The following WBP1L variants were observed in gnomAD, a reference collection of about 807,000 sequenced individuals.
WBP1L encodes the protein WW domain binding protein 1 like.
In WBP1L, 17 loss-of-function variants were observed where a neutral mutation model predicts 33.7. The ratio of observed to expected loss-of-function variants is 0.50; its 90% confidence interval spans 0.34 to 0.76. WBP1L has a LOEUF of 0.76. WBP1L is among the 30% of genes least tolerant of loss of function. The pLI is 0.01. For missense variants in WBP1L, 389 were observed against 469.4 expected, an observed-to-expected ratio of 0.83 and a Z score of 1.58; for synonymous variants, 173 against 190.8, an observed-to-expected ratio of 0.91 and a Z score of 0.77.
At chr10:102,805,515 AG>A (rs544577700) in intron 2 of WBP1L, among the ~76,000 whole-genome samples, 129 of 151,912 alleles carry the variant, frequency 8.5e-4, no homozygotes, top group Non-Finnish European at 1.4e-3. Flanking sequence ...CTCTCATCTC[AG>A]CCTCCCAAGT....
At chr10:102,772,366 T>G (rs1257430532) in intron 1 of WBP1L, among the ~76,000 whole-genome samples, 1 of 147,854 alleles carries the variant, frequency 6.8e-6, no homozygotes, top group Non-Finnish European at 1.5e-5. Context: ...GTTCAAGTGA[T>G]TCTCCTGCTT....
chr10:102,772,849 C>T (rs1321211691), intron 1 of WBP1L, among the ~76,000 whole-genome samples: 4 of 151,790 alleles, frequency 2.6e-5, no homozygotes, highest in South Asian at 2.1e-4. Flanking sequence ...GGATTACAGG[C>T]GTGAGCCATG....
In WBP1L at chr10:102,776,221, A is replaced by T. The variant is rs1288768719; in HGVS notation, c.91-21772A>T. On this transcript the variant is annotated intron_variant, in intron 1 of 3. Coordinates refer to ENST00000448841, the MANE Select transcript of WBP1L (RefSeq NM_001083913.2). Reference sequence around the variant, plus strand: ...GGGAGTAGCGAGGAGAGCAGGAGACAGTGTGCCTGCTCGGTCCCAGGACTC... The same window carrying T: ...GGGAGTAGCGAGGAGAGCAGGAGACTGTGTGCCTGCTCGGTCCCAGGACTC... The T allele has an allele frequency of 2.6e-6, 4 of 1,516,684 alleles. No homozygotes were observed. The East Asian group carries it at 7.3e-5, about 28-fold the overall frequency. 94.0% of individuals were successfully genotyped at this position (1,516,684 alleles called of 1,614,324 possible).
At chr10:102,810,854 ACCGTGCC>A (rs1843829653) in intron 3 of WBP1L, among the ~76,000 whole-genome samples, 1 of 148,728 alleles carries the variant, frequency 6.7e-6, no homozygotes, top group Admixed American at 6.7e-5. Context: ...GGCGTGAGCC[ACCGTGCC>A]CCTGCCCTCC....
chr10:102,785,509 A>G (rs1187867400), intron 1 of WBP1L, among the ~76,000 whole-genome samples: 1 of 149,056 alleles, frequency 6.7e-6, no homozygotes, highest in Non-Finnish European at 1.5e-5. Flanking sequence ...TTAAAAGTTG[A>G]AAAACAACGG....
chr10:102,771,565 C>G (rs1371933559), intron 1 of WBP1L, among the ~76,000 whole-genome samples: 1 of 151,820 alleles, frequency 6.6e-6, no homozygotes, highest in African/African-American at 2.4e-5. Flanking sequence ...CATGGTGGCT[C>G]ATGCCTGTAA....
intron 1 of WBP1L, among the ~76,000 whole-genome samples, chr10:102,774,590 T>C (rs1590176118): frequency 6.6e-6 from 1 of 152,178 alleles, no homozygotes; most frequent in Non-Finnish European, 1.5e-5. Flanking sequence ...GATCAAACAG[T>C]GCTTTTGGCA....
In WBP1L at chr10:102,768,364, GTTTTTTGTTTTTTTT is replaced by G. The variant is rs561515894; in HGVS notation, c.90+24228_90+24242del. The stretch of plus-strand genomic sequence containing the variant: ...GCTTGAGCCATTGCGCCTGGCATTA[GTTTTTTGTTTTTTTT>G]TTTTTTTTTTTTTTTTTGAGACGGA... On this transcript the variant is annotated intron_variant, in intron 1 of 3. Coordinates refer to ENST00000448841, the MANE Select transcript of WBP1L (RefSeq NM_001083913.2). Among the ~76,000 whole-genome samples, 149 of 44,544 alleles carry G rather than the reference GTTTTTTGTTTTTTTT, an allele frequency of 3.3e-3. 22 individuals are homozygous for G. Among genetic ancestry groups the G allele is most frequent in the South Asian group, 0.012 (19 of 1,598 alleles). 29.2% of individuals were successfully genotyped at this position (44,544 alleles called of 152,430 possible).
At chr10:102,774,617 G>A (rs903314325) in intron 1 of WBP1L, among the ~76,000 whole-genome samples, 1 of 152,188 alleles carries the variant, frequency 6.6e-6, no homozygotes. Context: ...TGTGCTGTAC[G>A]TGTCATGTGC....
At chr10:102,773,252 G>A (rs1177523948) in intron 1 of WBP1L, among the ~76,000 whole-genome samples, 2 of 152,130 alleles carry the variant, frequency 1.3e-5, no homozygotes, top group African/African-American at 4.8e-5. Context: ...AGATATCAGC[G>A]CTTAGTGAAC....
At chr10:102,810,173 C>A in intron 3 of WBP1L, 119 bp downstream of exon 3, 1 of 1,330,082 alleles carries the variant, frequency 7.5e-7, no homozygotes, top group Non-Finnish European at 1.0e-6. Flanking sequence ...CTCTCCCTGC[C>A]CCTCCGTAGA....
intron 1 of WBP1L, among the ~76,000 whole-genome samples, chr10:102,777,167 G>C (rs183675035): frequency 6.6e-6 from 1 of 152,242 alleles, no homozygotes; most frequent in Non-Finnish European, 1.5e-5. Context: ...CAGGGCTTCT[G>C]AGAGTCAGAC....
At chr10:102,762,378 CA>C (rs1449223120) in intron 1 of WBP1L, among the ~76,000 whole-genome samples, 1 of 152,094 alleles carries the variant, frequency 6.6e-6, no homozygotes, top group African/African-American at 2.4e-5. Flanking sequence ...CTACAAAATT[CA>C]GCTAATTATG....
chr10:102,784,423 T>A (rs1473911698), intron 1 of WBP1L, among the ~76,000 whole-genome samples: 1 of 50,664 alleles, frequency 2.0e-5, no homozygotes, highest in Non-Finnish European at 6.0e-5. Context: ...TCTTGTTTCT[T>A]TTTTTTTTTT....
intron 2 of WBP1L, among the ~76,000 whole-genome samples, chr10:102,800,576 G>A (rs1442320391): frequency 2.0e-5 from 3 of 152,182 alleles, no homozygotes; most frequent in East Asian, 3.8e-4. Context: ...GTGTCTAGAC[G>A]GAGAGAAAAG....
At chr10:102,786,980 T>C (rs908724417) in intron 1 of WBP1L, among the ~76,000 whole-genome samples, 2 of 152,228 alleles carry the variant, frequency 1.3e-5, no homozygotes, top group Admixed American at 6.5e-5. Flanking sequence ...TAAACCACAC[T>C]ATCAGATCTG....
At chr10:102,794,498 A>G (rs1007200305) in intron 1 of WBP1L, among the ~76,000 whole-genome samples, 4 of 152,054 alleles carry the variant, frequency 2.6e-5, no homozygotes, top group Non-Finnish European at 5.9e-5. Flanking sequence ...CACAAAAGAA[A>G]ATTTAAGGAG....
intron 1 of WBP1L, among the ~76,000 whole-genome samples, chr10:102,796,294 A>G (rs1313161579): frequency 6.6e-6 from 1 of 152,078 alleles, no homozygotes; most frequent in African/African-American, 2.4e-5. Flanking sequence ...TTCTTTCTAA[A>G]CTGTCATATC....
intron 1 of WBP1L, among the ~76,000 whole-genome samples, chr10:102,767,141 C>G (rs899772622): frequency 6.6e-6 from 1 of 152,136 alleles, no homozygotes; most frequent in Non-Finnish European, 1.5e-5. Context: ...CAGTGAGAGC[C>G]CATTAACTAT....
Sources: gnomAD v4.1 joint callset for allele counts (sites outside exome capture counted in the v4.1 genomes callset) on GRCh38, gnomAD v4.1.1 for gene constraint, MANE v1.5 for transcripts, NCBI Gene and HGNC (gene_info 2026-07-23, HGNC 2026-07-21) for gene names.